The following TMEFF2 variants were observed in gnomAD, a reference collection of about 807,000 sequenced individuals.
The protein encoded by TMEFF2 is tomoregulin-2.
In TMEFF2, 28 loss-of-function variants were observed where a neutral mutation model predicts 53.8. The observed-to-expected ratio is 0.52, with a 90% CI of 0.39 to 0.71. The LOEUF (loss-of-function observed/expected upper bound fraction) is 0.71, where lower values mean the gene tolerates loss of function less well. TMEFF2 is among the 30% of genes least tolerant of loss of function. TMEFF2 has a pLI of 0.00. For synonymous variants in TMEFF2, 162 were observed against 166.3 expected, an observed-to-expected ratio of 0.97 and a Z score of 0.20; for missense variants, 353 against 455.2, an observed-to-expected ratio of 0.78 and a Z score of 2.04.
chr2:192,125,684 T>C (rs1041017729), intron 4 of TMEFF2, among the ~76,000 whole-genome samples: 1 of 152,222 alleles, frequency 6.6e-6, no homozygotes, highest in Non-Finnish European at 1.5e-5. Context: ...TGGAATACTA[T>C]GCAGCTATAA....
chr2:192,055,052 TAAAAA>T (rs1006755330), intron 5 of TMEFF2, among the ~76,000 whole-genome samples: 13 of 151,960 alleles, frequency 8.6e-5, no homozygotes, highest in African/African-American at 2.9e-4. Context: ...TTAAAATTCT[TAAAAA>T]AAAGAGACTC....
intron 5 of TMEFF2, among the ~76,000 whole-genome samples, chr2:192,023,036 A>G (rs1170673908): frequency 6.6e-6 from 1 of 152,122 alleles, no homozygotes; most frequent in African/African-American, 2.4e-5. Flanking sequence ...TCATCTTTGA[A>G]TAAGTCCTGA....
intron 7 of TMEFF2, among the ~76,000 whole-genome samples, chr2:191,982,774 G>C (rs1022497823): frequency 1.5e-4 from 23 of 152,162 alleles, no homozygotes; most frequent in African/African-American, 5.1e-4. Flanking sequence ...CTAGGCATTT[G>C]AGTATGTACA....
intron 4 of TMEFF2, among the ~76,000 whole-genome samples, chr2:192,150,768 C>T (rs1690365734): frequency 1.3e-5 from 2 of 151,364 alleles, no homozygotes; most frequent in African/African-American, 2.4e-5. Flanking sequence ...AATTTCCACC[C>T]TAGTACATTT....
chr2:192,078,663 A>T (rs1688486601), intron 4 of TMEFF2, among the ~76,000 whole-genome samples: 1 of 152,210 alleles, frequency 6.6e-6, no homozygotes, highest in Non-Finnish European at 1.5e-5. Context: ...TTTCAGCTAA[A>T]TCTCAATACA....
chr2:192,004,434 T>G (rs987721335), intron 5 of TMEFF2, among the ~76,000 whole-genome samples: 5 of 152,284 alleles, frequency 3.3e-5, no homozygotes, highest in African/African-American at 1.2e-4. Context: ...TGATAGCAAC[T>G]TGTCAGTTTA....
At chr2:191,963,668 A>G (rs1692334020) in intron 7 of TMEFF2, among the ~76,000 whole-genome samples, 1 of 152,220 alleles carries the variant, frequency 6.6e-6, no homozygotes, top group African/African-American at 2.4e-5. Flanking sequence ...TCAGTAATTT[A>G]TTATATGAAT....
In TMEFF2 at chr2:192,169,578, A is replaced by G. The variant is rs186977960; in HGVS notation, c.439+10090T>C. ...AATTATATACTTAGATAAGTATTCT[A>G]TGTAAATATTCTGACTGTGCAAGTA... On this transcript the variant is annotated intron_variant, in intron 4 of 9. Coordinates refer to ENST00000272771, the MANE Select transcript of TMEFF2 (RefSeq NM_016192.4). 7.2e-5 allele frequency among the ~76,000 whole-genome samples: 11 copies of G among 152,242 alleles called. No individual in the cohort carries two copies. The East Asian group carries it at 1.7e-3, about 24-fold the overall frequency.
intron 5 of TMEFF2, among the ~76,000 whole-genome samples, chr2:192,012,798 C>T (rs1233694858): frequency 1.3e-5 from 2 of 152,006 alleles, no homozygotes. Context: ...ACAAAATACT[C>T]ATTATAATGT....
chr2:192,144,088 T>C (rs555989892), intron 4 of TMEFF2, among the ~76,000 whole-genome samples: 1 of 152,178 alleles, frequency 6.6e-6, no homozygotes, highest in African/African-American at 2.4e-5. Context: ...TTCATTTATG[T>C]GGTAAGAAAA....
At chr2:192,138,729 T>C (rs1365568172) in intron 4 of TMEFF2, among the ~76,000 whole-genome samples, 10 of 152,166 alleles carry the variant, frequency 6.6e-5, no homozygotes, top group Non-Finnish European at 1.3e-4. Flanking sequence ...CATTCTGAAG[T>C]TTCTATTCTT....
intron 4 of TMEFF2, among the ~76,000 whole-genome samples, chr2:192,130,542 C>G (rs138861023): frequency 6.6e-6 from 1 of 152,100 alleles, no homozygotes; most frequent in Non-Finnish European, 1.5e-5. Context: ...TGTTCCTGCC[C>G]CACCTTAACT....
chr2:192,130,746 C>T, intron 4 of TMEFF2, among the ~76,000 whole-genome samples: 1 of 152,022 alleles, frequency 6.6e-6, no homozygotes, highest in East Asian at 2.0e-4. Flanking sequence ...CCCGCCTGCA[C>T]CCAGGTGAAA....
intron 9 of TMEFF2, among the ~76,000 whole-genome samples, chr2:191,953,213 C>A (rs1051863484): frequency 1.3e-5 from 2 of 152,150 alleles, no homozygotes; most frequent in Admixed American, 1.3e-4. Flanking sequence ...TTTGATTAGG[C>A]TGGGAATTTG....
intron 7 of TMEFF2, among the ~76,000 whole-genome samples, chr2:191,993,885 G>A (rs571771235): frequency 6.6e-6 from 1 of 152,026 alleles, no homozygotes; most frequent in South Asian, 2.1e-4. Context: ...CTGATGCCTT[G>A]TAGAAAGATC....
intron 4 of TMEFF2, among the ~76,000 whole-genome samples, chr2:192,112,711 T>A (rs1214882049): frequency 2.0e-5 from 3 of 152,130 alleles, no homozygotes; most frequent in Admixed American, 2.0e-4. Context: ...CGAAATCTCA[T>A]CTTGAATTGT....
At chr2:192,071,731 C>T (rs571874241) in intron 4 of TMEFF2, among the ~76,000 whole-genome samples, 17 of 151,890 alleles carry the variant, frequency 1.1e-4, no homozygotes, top group South Asian at 2.1e-4. Context: ...GTAAATGCTA[C>T]GTAAATAATC....
At chr2:192,126,506 G>A (rs1559137263) in intron 4 of TMEFF2, among the ~76,000 whole-genome samples, 2 of 152,104 alleles carry the variant, frequency 1.3e-5, no homozygotes, top group Non-Finnish European at 2.9e-5. Flanking sequence ...AATAAAACAT[G>A]ACAATTAAAA....
intron 4 of TMEFF2, among the ~76,000 whole-genome samples, chr2:192,135,408 T>C (rs1689975777): frequency 6.6e-6 from 1 of 152,140 alleles, no homozygotes; most frequent in Non-Finnish European, 1.5e-5. Flanking sequence ...CATTTAGTTT[T>C]TCAATTCATA....
Sources: allele counts gnomAD v4.1 joint callset (sites outside exome capture counted in the v4.1 genomes callset), GRCh38; gene constraint gnomAD v4.1.1; transcripts MANE v1.5; gene names NCBI Gene and HGNC (gene_info 2026-07-23, HGNC 2026-07-21).